The following BAIAP2 variants were observed in gnomAD, a reference collection of about 807,000 sequenced individuals.
The protein encoded by BAIAP2 is BAR/IMD domain containing adaptor protein 2.
A neutral mutation model predicts 63.0 loss-of-function variants in BAIAP2; 18 were observed. That is an observed-to-expected ratio of 0.29 (90% CI 0.20 to 0.42). BAIAP2 has a LOEUF of 0.42. BAIAP2 is among the 10% of genes least tolerant of loss of function. BAIAP2 has a pLI of 1.00. For synonymous variants in BAIAP2, 386 were observed against 307.6 expected, an observed-to-expected ratio of 1.25 and a Z score of -2.67; for missense variants, 610 against 734.3, an observed-to-expected ratio of 0.83 and a Z score of 1.96.
intron 1 of BAIAP2, chr17:81,036,899 AT>A (rs1334833559): frequency 6.5e-7 from 1 of 1,535,820 alleles, no homozygotes; most frequent in Admixed American, 2.0e-5. Flanking sequence ...CCTTTTTCCT[AT>A]TTTTTCTCCT....
At chr17:81,101,043 C>T (rs752620459) in intron 7 of BAIAP2, among the ~76,000 whole-genome samples, 5 of 151,906 alleles carry the variant, frequency 3.3e-5, no homozygotes, top group African/African-American at 4.8e-5. Flanking sequence ...TCCCGCTAGG[C>T]GTCCCCCGGC....
At chr17:81,089,793 C>T (rs1158500590) in intron 6 of BAIAP2, among the ~76,000 whole-genome samples, 2 of 152,020 alleles carry the variant, frequency 1.3e-5, no homozygotes, top group Admixed American at 6.5e-5. Flanking sequence ...TGGGTCTGGG[C>T]GGGGACCATG....
At chr17:81,090,922 G>A (rs577710007) in intron 6 of BAIAP2, among the ~76,000 whole-genome samples, 4 of 152,326 alleles carry the variant, frequency 2.6e-5, no homozygotes, top group East Asian at 1.9e-4. Context: ...GGGTGTGGCC[G>A]CTGGGGGCCC....
intron 3 of BAIAP2, among the ~76,000 whole-genome samples, chr17:81,072,446 C>T (rs578165012): frequency 8.1e-4 from 123 of 152,338 alleles, no homozygotes; most frequent in African/African-American, 2.9e-3. Context: ...CCCTGTTTGA[C>T]GCCCACACTC....
rs1436338962 is a variant in BAIAP2 at position 81,117,325 on chromosome 17, A to AAAAC, written c.*1489_*1492dup. The AAAAC allele has an allele frequency of 1.3e-5, 2 of 152,254 alleles. No homozygotes were observed. The highest frequency in any genetic ancestry group is 3.8e-4 in the East Asian group (2 of 5,204). The allele number at this position is 152,254 out of a possible 1,614,324, so 9.4% of individuals were successfully genotyped here. The stretch of plus-strand genomic sequence containing the variant: ...TTTGTCTTAGCTTCATTTCTCTTAA[A>AAAAC]AAACAAGGAACAAGAAAACATTGCA... On this transcript the variant is annotated 3_prime_UTR_variant, in exon 14 of 14. Transcript: ENST00000428708.
At chr17:81,074,388 G>A (rs1467711478) in intron 3 of BAIAP2, among the ~76,000 whole-genome samples, 4 of 151,690 alleles carry the variant, frequency 2.6e-5, no homozygotes, top group African/African-American at 4.8e-5. Flanking sequence ...GCACGGATAC[G>A]TGAGTGCTGG....
At chr17:81,036,803 G>A in intron 1 of BAIAP2, 1 of 1,392,774 alleles carries the variant, frequency 7.2e-7, no homozygotes, top group South Asian at 1.2e-5. Flanking sequence ...TGTTGTCAAG[G>A]GAGGGAGGTT....
At chr17:81,045,082 C>T (rs1327338663) in intron 1 of BAIAP2, among the ~76,000 whole-genome samples, 1 of 152,222 alleles carries the variant, frequency 6.6e-6, no homozygotes, top group African/African-American at 2.4e-5. Flanking sequence ...TGGGCTGCGG[C>T]TCCTCCTGCG....
intron 3 of BAIAP2, among the ~76,000 whole-genome samples, chr17:81,081,106 C>T (rs1413321285): frequency 1.3e-5 from 2 of 152,222 alleles, no homozygotes; most frequent in African/African-American, 4.8e-5. Flanking sequence ...CGGCTGAAGC[C>T]AGTTCCCAGT....
chr17:81,039,599 T>G (rs925084413), intron 1 of BAIAP2, among the ~76,000 whole-genome samples: 9 of 152,114 alleles, frequency 5.9e-5, no homozygotes, highest in Non-Finnish European at 1.0e-4. Flanking sequence ...ACTGCCCGAG[T>G]GGACCTGAGG....
chr17:81,070,606 G>A (rs1023720809), intron 3 of BAIAP2, among the ~76,000 whole-genome samples: 1 of 152,216 alleles, frequency 6.6e-6, no homozygotes, highest in Non-Finnish European at 1.5e-5. Flanking sequence ...CTGTCCCGCT[G>A]CAGCTGTGGG....
chr17:81,097,853 T>C (rs1357097900), intron 6 of BAIAP2, among the ~76,000 whole-genome samples: 1 of 152,064 alleles, frequency 6.6e-6, no homozygotes, highest in Non-Finnish European at 1.5e-5. Context: ...CCTCGGGTGC[T>C]CCTCCCTTGC....
chr17:81,053,014 T>C (rs2048912370), intron 1 of BAIAP2, among the ~76,000 whole-genome samples: 1 of 152,100 alleles, frequency 6.6e-6, no homozygotes, highest in Admixed American at 6.5e-5. Context: ...TTGGCTGTTG[T>C]TTGTGTGTGC....
At chr17:81,057,670 C>A in intron 2 of BAIAP2, 1 of 1,365,420 alleles carries the variant, frequency 7.3e-7, no homozygotes, top group Non-Finnish European at 9.4e-7. Flanking sequence ...TCTTACGAGT[C>A]AAGGGAGCTC....
chr17:81,074,652 C>T (rs1301537263), intron 3 of BAIAP2, among the ~76,000 whole-genome samples: 1 of 133,662 alleles, frequency 7.5e-6, no homozygotes, highest in Non-Finnish European at 1.6e-5. Context: ...TTGAGTGCCT[C>T]TGTGTCTGCG....
At chr17:81,035,588 C>T (rs992004610) in intron 1 of BAIAP2, among the ~76,000 whole-genome samples, 1 of 150,260 alleles carries the variant, frequency 6.7e-6, no homozygotes, top group African/African-American at 2.4e-5. Context: ...GAGCACTCCC[C>T]GCTCCGACGG....
At chr17:81,064,904 C>T (rs1445356647) in intron 3 of BAIAP2, among the ~76,000 whole-genome samples, 1 of 152,250 alleles carries the variant, frequency 6.6e-6, no homozygotes, top group Non-Finnish European at 1.5e-5. Flanking sequence ...AGTGGCAGCT[C>T]CAAGTTCCGG....
rs1033644576 is a variant in BAIAP2 at position 81,057,930 on chromosome 17, G to A, written c.180G>A (p.Gly60=). Reference sequence around the variant, plus strand: ...ACTTTGACGCCCTGGTGAAGATGGGGGAGCTGGCCAGCGAGAGCCAGGGCT... The same window carrying A: ...ACTTTGACGCCCTGGTGAAGATGGGAGAGCTGGCCAGCGAGAGCCAGGGCT... ...KGYFDALVKM[G]ELASESQGSK... Residue 60 remains glycine, a synonymous_variant, in exon 3 of 14, where the codon GGG becomes GGA. Coordinates refer to ENST00000428708, the MANE Select transcript of BAIAP2 (RefSeq NM_001144888.2). The A allele has an allele frequency of 6.2e-7, 1 of 1,609,196 alleles. No individual in the cohort carries two copies. The highest frequency in any genetic ancestry group is 8.5e-7 in the Non-Finnish European group (1 of 1,178,108).
chr17:81,094,735 C>T (rs1164809659), intron 6 of BAIAP2, among the ~76,000 whole-genome samples: 1 of 152,230 alleles, frequency 6.6e-6, no homozygotes, highest in Non-Finnish European at 1.5e-5. Context: ...CCACTGGCTG[C>T]AGCCTGCAGG....
Sources: gnomAD v4.1 joint callset for allele counts (sites outside exome capture counted in the v4.1 genomes callset) on GRCh38, gnomAD v4.1.1 for gene constraint, MANE v1.5 for transcripts, NCBI Gene and HGNC (gene_info 2026-07-23, HGNC 2026-07-21) for gene names.